Variants in KHDC1 observed in about 807,000 individuals in gnomAD.
KHDC1 encodes the protein KH homology domain-containing protein 1.
Under a neutral mutation model 24.7 loss-of-function variants are expected in KHDC1, and 21 were observed. That is an observed-to-expected ratio of 0.85 (90% CI 0.60 to 1.23). KHDC1 has a LOEUF of 1.23. KHDC1 is among the 50% of genes most tolerant of loss of function. The pLI, the probability that KHDC1 is intolerant of heterozygous loss-of-function variation, is 0.00. For missense variants in KHDC1, 274 were observed against 298.5 expected, an observed-to-expected ratio of 0.92 and a Z score of 0.61; for synonymous variants, 98 against 111.7, an observed-to-expected ratio of 0.88 and a Z score of 0.77.
rs184897484 is a variant in KHDC1 at position 73,291,552 on chromosome 6, C to A, written c.206+446G>T. ...TTGTTGCCCAGGCTGTTCTTGACTTCCTAACTTCAAGCAATCCTTCTGCCT... is the reference window on the plus strand; with the variant it reads ...TTGTTGCCCAGGCTGTTCTTGACTTACTAACTTCAAGCAATCCTTCTGCCT... On this transcript the variant is annotated intron_variant, in intron 2 of 4. Coordinates refer to ENST00000370384, the Ensembl canonical transcript of KHDC1. Among the ~76,000 whole-genome samples the A allele has an allele frequency of 9.2e-5, 14 of 152,098 alleles. No individual in the cohort carries two copies. In the East Asian group the frequency reaches 1.4e-3, roughly 15 times the overall value.
At chr6:73,306,371 T>C (rs777365758) in intron 1 of KHDC1, among the ~76,000 whole-genome samples, 1 of 152,062 alleles carries the variant, frequency 6.6e-6, no homozygotes, top group Non-Finnish European at 1.5e-5. Flanking sequence ...GCCTCTCCGT[T>C]CCCAGCTATT....
At position 73,241,658 on chromosome 6, in the gene KHDC1, C is replaced by T. The variant is rs1228029451; in HGVS notation, c.585G>A (p.Val195=). 3 of 1,614,090 alleles carry T rather than the reference C, an allele frequency of 1.9e-6. No homozygotes were observed. In the South Asian group the frequency reaches 3.3e-5, roughly 18 times the overall value. Residue 195 remains valine, a synonymous_variant, in exon 5 of 5, where the codon GTG becomes GTA. Transcript: ENST00000370384. Reference sequence around the variant, plus strand: ...AAGACAGGTCTCCAGTGTATGGTGGCACACTAATGGAGGTGACCAGGTCAT... The same window carrying T: ...AAGACAGGTCTCCAGTGTATGGTGGTACACTAATGGAGGTGACCAGGTCAT...
At chr6:73,241,826 C>A (rs1030601678) in intron 4 of KHDC1, 98 bp from the exon 4 acceptor site, 2 of 1,356,508 alleles carry the variant, frequency 1.5e-6, no homozygotes, top group Admixed American at 2.0e-5. Context: ...GAGGATGTCA[C>A]CCCAGCCCAG....
intron 2 of KHDC1, among the ~76,000 whole-genome samples, chr6:73,255,637 C>G (rs1582556800): frequency 6.7e-6 from 1 of 149,814 alleles, no homozygotes; most frequent in African/African-American, 2.5e-5. Context: ...CATGGTGGCT[C>G]ATGCCTGTAA....
At chr6:73,242,560 A>G in intron 2 of KHDC1, 30 bp from the exon 2 acceptor site, 1 of 1,613,648 alleles carries the variant, frequency 6.2e-7, no homozygotes, top group Non-Finnish European at 8.5e-7. Flanking sequence ...AGTCCAAGCA[A>G]CTGGTTGGCA....
chr6:73,294,449 T>A (rs1767723300), intron 1 of KHDC1, among the ~76,000 whole-genome samples: 1 of 152,194 alleles, frequency 6.6e-6, no homozygotes, highest in Non-Finnish European at 1.5e-5. Context: ...AACTAGCAGC[T>A]ACTTCCTAAT....
chr6:73,267,110 A>G (rs963296230), intron 2 of KHDC1, among the ~76,000 whole-genome samples: 5 of 152,246 alleles, frequency 3.3e-5, no homozygotes, highest in African/African-American at 9.6e-5. Context: ...AAGATGTTCA[A>G]CATCACTAGT....
chr6:73,250,226 C>T (rs1462472980), intron 2 of KHDC1, among the ~76,000 whole-genome samples: 4 of 152,150 alleles, frequency 2.6e-5, no homozygotes, highest in Non-Finnish European at 4.4e-5. Context: ...CTGATGGACA[C>T]TAACTCCTAA....
intron 2 of KHDC1, among the ~76,000 whole-genome samples, chr6:73,272,711 G>A (rs1314499172): frequency 6.6e-6 from 1 of 151,002 alleles, no homozygotes; most frequent in Non-Finnish European, 1.5e-5. Context: ...AGAAGGCAGA[G>A]GTTGCAGTGA....
Position 73,262,078 on chromosome 6 carries a change from CA to C in KHDC1, c.207-19549del, listed in dbSNP as rs567769174. 9.8e-3 allele frequency among the ~76,000 whole-genome samples: 1,364 copies of C among 139,228 alleles called. 17 individuals are homozygous for C. Among genetic ancestry groups the C allele is most frequent in the South Asian group, 0.05 (218 of 4,360 alleles). 91.3% of individuals were successfully genotyped at this position (139,228 alleles called of 152,430 possible). ...TAGGCAGCAGGAAAGAGGCCCTTCT[CA>C]AAAAAAAAAAAGCATAGACTCTAGG... On this transcript the variant is annotated intron_variant, in intron 2 of 4. Coordinates refer to ENST00000370384, the Ensembl canonical transcript of KHDC1.
chr6:73,280,960 A>G (rs1767392720), intron 2 of KHDC1, among the ~76,000 whole-genome samples: 1 of 152,086 alleles, frequency 6.6e-6, no homozygotes, highest in Non-Finnish European at 1.5e-5. Context: ...TGTAATCCCA[A>G]CACTTTGGGA....
intron 2 of KHDC1, among the ~76,000 whole-genome samples, chr6:73,288,543 C>A (rs1471858477): frequency 1.3e-5 from 2 of 152,042 alleles, no homozygotes; most frequent in African/African-American, 4.8e-5. Flanking sequence ...ATCACTTGAA[C>A]CTGGGAGGCA....
exon 5 of KHDC1, chr6:73,241,365 C>G: frequency 1.6e-6 from 1 of 634,762 alleles, no homozygotes. Flanking sequence ...ATAACACTTT[C>G]TTACATTCAA....
At chr6:73,257,595 C>T (rs1475499663) in intron 2 of KHDC1, among the ~76,000 whole-genome samples, 8 of 151,992 alleles carry the variant, frequency 5.3e-5, no homozygotes, top group African/African-American at 1.9e-4. Context: ...GATAGGGTTT[C>T]ACCATGTTGG....
In KHDC1 at chr6:73,289,791, C is replaced by G. The variant is rs142757018; in HGVS notation, c.206+2207G>C. ...TGGCCAACATGGTGAAACCCCATCT[C>G]TACTAAAATACAAAAAATTAGCCAG... On this transcript the variant is annotated intron_variant, in intron 2 of 4. Coordinates refer to ENST00000370384, the Ensembl canonical transcript of KHDC1. Among the ~76,000 whole-genome samples the G allele has an allele frequency of 2.8e-3, 427 of 152,070 alleles. 4 individuals carry two copies. Among genetic ancestry groups the G allele is most frequent in the African/African-American group, 9.8e-3 (405 of 41,514 alleles).
At chr6:73,253,889 G>A (rs1487433488) in intron 2 of KHDC1, among the ~76,000 whole-genome samples, 2 of 152,146 alleles carry the variant, frequency 1.3e-5, no homozygotes, top group African/African-American at 4.8e-5. Context: ...TTGGGTGGCA[G>A]AGTGAGGCTC....
exon 1 of KHDC1, chr6:73,309,685 T>C (rs1305037288): frequency 6.5e-7 from 1 of 1,549,902 alleles, no homozygotes; most frequent in South Asian, 1.2e-5. Flanking sequence ...CAAATAAGAC[T>C]CGGAACAGCC....
intron 2 of KHDC1, among the ~76,000 whole-genome samples, chr6:73,244,248 G>A (rs868225355): frequency 1.7e-4 from 26 of 152,220 alleles, no homozygotes; most frequent in East Asian, 9.6e-4. Context: ...CCTTAGTTTC[G>A]CACAAACTGA....
intron 1 of KHDC1, among the ~76,000 whole-genome samples, chr6:73,308,288 G>A (rs7764719): frequency 0.24 from 36,673 of 151,562 alleles, 5,216 homozygotes; most frequent in African/African-American, 0.4. Flanking sequence ...GTTAGCCAGG[G>A]TGGTCTTGAT....
Sources: gnomAD v4.1 joint callset for allele counts (sites outside exome capture counted in the v4.1 genomes callset) on GRCh38, gnomAD v4.1.1 for gene constraint, MANE v1.5 for transcripts, NCBI Gene and HGNC (gene_info 2026-07-23, HGNC 2026-07-21) for gene names.